Variants in MTO1 observed in about 807,000 individuals in gnomAD.
The protein encoded by MTO1 is 5-taurinomethyluridine-[tRNA] synthase subunit MTO1, mitochondrial.
In MTO1, 46 loss-of-function variants were observed where a neutral mutation model predicts 71.6. The observed-to-expected ratio is 0.64, with a 90% CI of 0.51 to 0.82. The LOEUF (loss-of-function observed/expected upper bound fraction) is 0.82, where lower values mean the gene tolerates loss of function less well. Ranked by LOEUF, MTO1 falls within the 40% of genes least tolerant of loss-of-function variation. The pLI is 0.00. For synonymous variants in MTO1, 297 were observed against 312.1 expected (o/e 0.95, Z 0.51); for missense variants, 773 against 867.5 (o/e 0.89, Z 1.37).
chr6:73,495,281 G>A (rs776124142), intron 10 of MTO1, among the ~76,000 whole-genome samples: 3 of 152,112 alleles, frequency 2.0e-5, no homozygotes, highest in African/African-American at 4.8e-5. Context: ...AAGAAGGATC[G>A]TTGACCTGTT....
intron 9 of MTO1, among the ~76,000 whole-genome samples, chr6:73,491,611 T>C (rs1771808133): frequency 6.6e-6 from 1 of 152,142 alleles, no homozygotes; most frequent in African/African-American, 2.4e-5. Context: ...ATGGCTTAGA[T>C]GTAAAGTACA....
intron 9 of MTO1, chr6:73,487,947 A>G (rs77195783): frequency 0.024 from 3,721 of 152,160 alleles, 86 homozygotes; most frequent in Non-Finnish European, 0.035. Flanking sequence ...AGTCCCTTCA[A>G]CAGTGCACAA....
chr6:73,501,150 A>G lies in MTO1; in HGVS notation c.*415A>G, dbSNP rs1425862311. 1.3e-5 allele frequency: 2 copies of G among 153,062 alleles called. No individual in the cohort carries two copies. The highest frequency in any genetic ancestry group is 2.9e-5 in the Non-Finnish European group (2 of 68,654). The allele number at this position is 153,062 out of a possible 1,614,324, so 9.5% of individuals were successfully genotyped here. A position where few individuals can be genotyped will look rare whatever the true frequency, so the allele number is the denominator to read the frequency against. ...CTTGGTTATACTAGGCTAGGAAGCAATATCAAAGCCCTTAAATTCTCAAGA... is the reference window on the plus strand; with the variant it reads ...CTTGGTTATACTAGGCTAGGAAGCAGTATCAAAGCCCTTAAATTCTCAAGA... On this transcript the variant is annotated 3_prime_UTR_variant, in exon 12 of 12. Transcript: ENST00000498286.
At chr6:73,478,859 C>G (rs1215061575) in intron 4 of MTO1, among the ~76,000 whole-genome samples, 1 of 151,126 alleles carries the variant, frequency 6.6e-6, no homozygotes, top group Non-Finnish European at 1.5e-5. Flanking sequence ...AGCAAGGAGT[C>G]CCTGGGTGGG....
chr6:73,472,397 AAATT>A (rs902621821), intron 3 of MTO1, among the ~76,000 whole-genome samples: 3 of 152,094 alleles, frequency 2.0e-5, no homozygotes, highest in Admixed American at 2.0e-4. Flanking sequence ...CTGAAGTCTA[AAATT>A]AATTAATTTT....
rs946253178 is a variant in MTO1, at chr6:73,504,421, A to G, written c.*3686A>G. The stretch of plus-strand genomic sequence containing the variant: ...GGTGATAGTACAGGCATGAGCCACC[A>G]TGTGCCTGGCCCTACCTTAATGTTA... On this transcript the variant is annotated 3_prime_UTR_variant, in exon 12 of 12. Coordinates refer to ENST00000498286, the MANE Select transcript of MTO1 (RefSeq NM_012123.4). 1 of 152,186 alleles carries G rather than the reference A, an allele frequency of 6.6e-6. No homozygotes were observed. The highest frequency in any genetic ancestry group is 1.5e-5 in the Non-Finnish European group (1 of 68,042). The allele number at this position is 152,186 out of a possible 1,614,324, so 9.4% of individuals were successfully genotyped here.
chr6:73,474,041 C>T (rs1343291918), intron 4 of MTO1, among the ~76,000 whole-genome samples: 5 of 151,860 alleles, frequency 3.3e-5, no homozygotes. Context: ...CCCCCTTGGC[C>T]TCCCAAAGTG....
At chr6:73,485,316 G>T (rs773604649) in intron 9 of MTO1, among the ~76,000 whole-genome samples, 1 of 152,078 alleles carries the variant, frequency 6.6e-6, no homozygotes, top group Non-Finnish European at 1.5e-5. Flanking sequence ...TTTTAAAAAG[G>T]TCAGTTTAAA....
chr6:73,492,996 T>TGTGTG (rs1256517671), intron 10 of MTO1, among the ~76,000 whole-genome samples: 5 of 5,852 alleles, frequency 8.5e-4, no homozygotes, highest in South Asian at 5.4e-3. Context: ...GTGTGTGTAT[T>TGTGTG]TTTTTTTTTT....
chr6:73,480,378 C>T (rs909393149), intron 6 of MTO1: 9 of 659,724 alleles, frequency 1.4e-5, no homozygotes, highest in Non-Finnish European at 1.4e-5. Context: ...GTTCGTGATT[C>T]TTCTGCCTCA....
chr6:73,466,247 A>C lies in MTO1; in HGVS notation c.256A>C (p.Lys86Gln). 6.2e-7 allele frequency: 1 copy of C among 1,614,012 alleles called. No homozygotes were observed. The highest frequency in any genetic ancestry group is 8.5e-7 in the Non-Finnish European group (1 of 1,179,912). The change falls in exon 2 of 12, where the codon AAG (lysine) becomes CAG (glutamine). Residue 86 changes from lysine (K) to glutamine (Q), a missense_variant. By Grantham distance (53) the Lys-to-Gln change is moderately conservative. Coordinates refer to ENST00000498286, the MANE Select transcript of MTO1 (RefSeq NM_012123.4). ...SCNPSFGGIGKGHLMREVDAL... is the reference protein window; with the variant it reads ...SCNPSFGGIGQGHLMREVDAL... Reference sequence around the variant, plus strand: ...TAATCCTTCCTTTGGTGGCATCGGAAAGGGACATTTAATGAGGGAAGTAGA... The same window carrying C: ...TAATCCTTCCTTTGGTGGCATCGGACAGGGACATTTAATGAGGGAAGTAGA...
At position 73,505,936 on chromosome 6, in the gene MTO1, C is replaced by T. The variant is rs1772272465; in HGVS notation, c.*5201C>T. The T allele has an allele frequency of 6.6e-6, 1 of 151,930 alleles. No individual in the cohort carries two copies. Among genetic ancestry groups the T allele is most frequent in the Admixed American group, 6.6e-5 (1 of 15,250 alleles). 9.4% of individuals were successfully genotyped at this position (151,930 alleles called of 1,614,324 possible). A position where few individuals can be genotyped will look rare whatever the true frequency, so the allele number is the denominator to read the frequency against. On this transcript the variant is annotated 3_prime_UTR_variant, in exon 12 of 12. Transcript: ENST00000498286. ...ACAACAATTTGAATATTTTAAATGC[C>T]AATGAACTGTTCATTTACAAATGGT...
chr6:73,485,092 A>G (rs915782458), intron 9 of MTO1, among the ~76,000 whole-genome samples: 2 of 151,532 alleles, frequency 1.3e-5, no homozygotes, highest in Admixed American at 6.6e-5. Context: ...GCTTTCTTTT[A>G]TAACAAATAT....
intron 10 of MTO1, among the ~76,000 whole-genome samples, chr6:73,493,689 C>CAT (rs199527067): frequency 3.3e-4 from 49 of 150,754 alleles, no homozygotes; most frequent in East Asian, 9.8e-4. Context: ...CTGCACCCAG[C>CAT]ATATATATAT....
chr6:73,482,884 C>CG (rs1394585670), intron 9 of MTO1, among the ~76,000 whole-genome samples: 9 of 150,792 alleles, frequency 6.0e-5, no homozygotes, highest in Non-Finnish European at 1.2e-4. Flanking sequence ...CTCCGCCTCC[C>CG]GGGTTCGCGC....
chr6:73,495,402 C>T (rs114930419), intron 10 of MTO1, among the ~76,000 whole-genome samples: 1,605 of 152,084 alleles, frequency 0.011, 26 homozygotes, highest in African/African-American at 0.037. Context: ...TGCAGTTTAA[C>T]TTTGTTCAAT....
At chr6:73,494,087 T>C (rs560392436) in intron 10 of MTO1, among the ~76,000 whole-genome samples, 7 of 151,900 alleles carry the variant, frequency 4.6e-5, no homozygotes, top group East Asian at 2.0e-4. Context: ...ACAAAAAAAT[T>C]AGCTGAGCAT....
At chr6:73,490,658 AT>A (rs1167597616) in intron 9 of MTO1, among the ~76,000 whole-genome samples, 1 of 151,668 alleles carries the variant, frequency 6.6e-6, no homozygotes, top group African/African-American at 2.4e-5. Flanking sequence ...TTTTTTCAAA[AT>A]TGTTTTGATT....
intron 9 of MTO1, among the ~76,000 whole-genome samples, chr6:73,489,701 T>C (rs911419629): frequency 3.3e-5 from 5 of 152,122 alleles, no homozygotes; most frequent in African/African-American, 1.2e-4. Flanking sequence ...GACATTTGGG[T>C]TGGTTCCAAG....
Sources: allele counts gnomAD v4.1 joint callset (sites outside exome capture counted in the v4.1 genomes callset), GRCh38; gene constraint gnomAD v4.1.1; transcripts MANE v1.5; gene names NCBI Gene and HGNC (gene_info 2026-07-23, HGNC 2026-07-21).